Variants in IQSEC3 observed in about 807,000 individuals in gnomAD.
IQSEC3 encodes the protein IQ motif and SEC7 domain-containing protein 3.
Under a neutral mutation model 105.4 loss-of-function variants are expected in IQSEC3, and 50 were observed. That is an observed-to-expected ratio of 0.47 (90% CI 0.38 to 0.60). IQSEC3 has a LOEUF of 0.60. Among genes scored for constraint, IQSEC3 ranks in the 20% least tolerant of loss-of-function variants. IQSEC3 has a pLI of 0.00. For missense variants in IQSEC3, 1,415 were observed against 1,630.0 expected (o/e 0.87, Z 2.27); for synonymous variants, 708 against 746.0 (o/e 0.95, Z 0.83).
intron 1 of IQSEC3, among the ~76,000 whole-genome samples, chr12:83,717 G>C (rs1291779555): frequency 7.1e-6 from 1 of 141,366 alleles, no homozygotes; most frequent in Non-Finnish European, 1.6e-5. Flanking sequence ...GAGGAGGTGG[G>C]TTGAGAAGTG....
chr12:135,857 A>T (rs782118301), intron 3 of IQSEC3, among the ~76,000 whole-genome samples: 3 of 152,220 alleles, frequency 2.0e-5, no homozygotes, highest in Non-Finnish European at 4.4e-5. Flanking sequence ...CACACCTTAG[A>T]TGATATTGCA....
In IQSEC3 at chr12:70,911, C is replaced by T. The variant is rs117185667; in HGVS notation, c.554+3475C>T. Among the ~76,000 whole-genome samples, 5 of 152,388 alleles carry T rather than the reference C, an allele frequency of 3.3e-5. No homozygotes were observed. The East Asian group carries it at 9.6e-4, about 29-fold the overall frequency. ...CTTCTCTCTGTTACATTGCTTCTTCCTTTCACATCCCTCCTCTGCCTCACT... is the reference window on the plus strand; with the variant it reads ...CTTCTCTCTGTTACATTGCTTCTTCTTTTCACATCCCTCCTCTGCCTCACT... On this transcript the variant is annotated intron_variant, in intron 1 of 13. Transcript: ENST00000538872.
At chr12:119,319 T>C (rs1865145644) in intron 2 of IQSEC3, among the ~76,000 whole-genome samples, 1 of 152,140 alleles carries the variant, frequency 6.6e-6, no homozygotes, top group African/African-American at 2.4e-5. Context: ...TACTCCATGA[T>C]TTTCTCTCCA....
chr12:144,424 T>A lies in IQSEC3; in HGVS notation c.2153+3139T>A, dbSNP rs1866175040. ...GCGGTATTCATTCTGTACAAAGCTG[T>A]TTGCCGAATAAAAGGATATAAATCA... is the stretch of plus-strand genomic sequence containing the variant. On this transcript the variant is annotated intron_variant, in intron 5 of 13. Transcript: ENST00000538872. 3 of 152,132 alleles carry A rather than the reference T, an allele frequency of 2.0e-5. No homozygotes were observed. In the South Asian group the frequency reaches 6.2e-4, roughly 32 times the overall value. The allele number at this position is 152,132 out of a possible 1,614,324, so 9.4% of individuals were successfully genotyped here. A position where few individuals can be genotyped will look rare whatever the true frequency, so the allele number is the denominator to read the frequency against.
At chr12:100,661 G>A (rs782115236) in intron 2 of IQSEC3, among the ~76,000 whole-genome samples, 6 of 152,142 alleles carry the variant, frequency 3.9e-5, no homozygotes, top group East Asian at 3.9e-4. Context: ...TGATGTTTTC[G>A]GTGTCCTCTG....
intron 3 of IQSEC3, among the ~76,000 whole-genome samples, chr12:129,181 G>T (rs1250857483): frequency 6.6e-6 from 1 of 152,226 alleles, no homozygotes; most frequent in Non-Finnish European, 1.5e-5. Flanking sequence ...GGACCATGTT[G>T]TTCTCAGGGC....
At chr12:133,412 T>G (rs1258408117) in intron 3 of IQSEC3, among the ~76,000 whole-genome samples, 8 of 152,222 alleles carry the variant, frequency 5.3e-5, no homozygotes, top group African/African-American at 1.4e-4. Flanking sequence ...GACTGAGTCA[T>G]GAGCACTGGG....
intron 12 of IQSEC3, among the ~76,000 whole-genome samples, chr12:170,582 C>T (rs73603187): frequency 0.016 from 2,368 of 152,318 alleles, 57 homozygotes; most frequent in African/African-American, 0.05. Context: ...CGTGGGGGTC[C>T]GCAGGGCCCC....
rs182775398 is a variant in IQSEC3 at position 91,500 on chromosome 12, C to T, written c.555-7646C>T. ...TTCTTTAAGAAACAGGGAGGCCCAG[C>T]GCGGTTGTTCATGCCTGTAATCCCA... On this transcript the variant is annotated intron_variant, in intron 1 of 13. Transcript: ENST00000538872. Among the ~76,000 whole-genome samples, 45 of 152,230 alleles carry T rather than the reference C, an allele frequency of 3.0e-4. 1 individual carries two copies. The highest frequency in any genetic ancestry group is 9.2e-4 in the Admixed American group (14 of 15,294).
In IQSEC3 at chr12:152,271, C is replaced by A. The variant is rs1291933472; in HGVS notation, c.2154-4754C>A. 6.6e-6 allele frequency among the ~76,000 whole-genome samples: 1 copy of A among 152,228 alleles called. No homozygotes were observed. Among genetic ancestry groups the A allele is most frequent in the Non-Finnish European group, 1.5e-5 (1 of 68,040 alleles). ...GAACCTGCAGGGTGACCACAGAGCC[C>A]CCGTGCTGACTGCCCACGCATGCAC... On this transcript the variant is annotated intron_variant, in intron 5 of 13. Coordinates refer to ENST00000538872, the MANE Select transcript of IQSEC3 (RefSeq NM_001170738.2). This position sits in a 1 kb window ranked among gnomAD's most constrained non-coding sequence, Gnocchi z 4.8.
chr12:153,154 C>T (rs1414079806), intron 5 of IQSEC3, among the ~76,000 whole-genome samples: 4 of 151,980 alleles, frequency 2.6e-5, no homozygotes. Context: ...ACAGAGGAGG[C>T]TCATGCTGTA....
At chr12:121,019 T>C (rs1865200917) in intron 2 of IQSEC3, among the ~76,000 whole-genome samples, 1 of 152,154 alleles carries the variant, frequency 6.6e-6, no homozygotes, top group African/African-American at 2.4e-5. Context: ...TTCTGCAGCC[T>C]AAGAGAGTGG....
intron 5 of IQSEC3, among the ~76,000 whole-genome samples, chr12:149,545 A>C (rs1316085638): frequency 6.6e-6 from 1 of 150,804 alleles, no homozygotes; most frequent in African/African-American, 2.4e-5. Context: ...TCTCTCACTC[A>C]CTCATTCATT....
rs782779119 is a variant in IQSEC3, at chr12:163,631, C to T, written c.2709+12C>T. On this transcript the variant is annotated intron_variant, in intron 9 of 13. Coordinates refer to ENST00000538872, the MANE Select transcript of IQSEC3 (RefSeq NM_001170738.2). ...ATGACCTGCTGGTGGTGAGTGGCCT[C>T]CGCTCCGGGACTGGGCTGGGCTGGG... 5.0e-6 allele frequency: 7 copies of T among 1,397,786 alleles called. No homozygotes were observed. In the African/African-American group the frequency reaches 5.7e-5, roughly 11 times the overall value. The allele number at this position is 1,397,786 out of a possible 1,614,324, so 86.6% of individuals were successfully genotyped here.
At chr12:109,801 G>T (rs781914064) in intron 2 of IQSEC3, among the ~76,000 whole-genome samples, 1 of 152,024 alleles carries the variant, frequency 6.6e-6, no homozygotes, top group Admixed American at 6.5e-5. Flanking sequence ...CTTAACTTTG[G>T]TGTCTCTCTT....
intron 1 of IQSEC3, among the ~76,000 whole-genome samples, chr12:90,996 C>T (rs1864066555): frequency 6.6e-6 from 1 of 152,078 alleles, no homozygotes. Context: ...GGCAGGTGAC[C>T]AGAAGCAATT....
chr12:104,598 C>G (rs1441298678), intron 2 of IQSEC3, among the ~76,000 whole-genome samples: 1 of 152,146 alleles, frequency 6.6e-6, no homozygotes, highest in African/African-American at 2.4e-5. Context: ...TCCCACTTGG[C>G]GAGGCGTACT....
chr12:110,301 T>C (rs1864838210), intron 2 of IQSEC3, among the ~76,000 whole-genome samples: 1 of 152,162 alleles, frequency 6.6e-6, no homozygotes, highest in African/African-American at 2.4e-5. Flanking sequence ...GGCCAGCTTT[T>C]GTCACAGAAC....
At chr12:85,354 G>A (rs1863883425) in intron 1 of IQSEC3, among the ~76,000 whole-genome samples, 1 of 152,252 alleles carries the variant, frequency 6.6e-6, no homozygotes, top group South Asian at 2.1e-4. Flanking sequence ...CATCTGCCAG[G>A]TAATACAGAG....
Sources: gnomAD v4.1 joint callset for allele counts (sites outside exome capture counted in the v4.1 genomes callset) on GRCh38, gnomAD v4.1.1 for gene constraint, Gnocchi (gnomAD v3.1) non-coding constraint, MANE v1.5 for transcripts, NCBI Gene and HGNC (gene_info 2026-07-23, HGNC 2026-07-21) for gene names.